CDH1: variants seen among roughly 807,000 people sequenced by gnomAD.
The protein encoded by CDH1 is cadherin 1.
Under a neutral mutation model 84.5 loss-of-function variants are expected in CDH1, and 35 were observed. The observed-to-expected ratio is 0.41, with a 90% CI of 0.32 to 0.55. The LOEUF (loss-of-function observed/expected upper bound fraction) is 0.55, where lower values mean the gene tolerates loss of function less well. CDH1 is among the 20% of genes least tolerant of loss of function. The probability of loss-of-function intolerance (pLI) is 0.19; values close to 1 mark genes in which losing one functional copy is unlikely to be tolerated. For missense variants in CDH1, 994 were observed against 1,126.6 expected (o/e 0.88, Z 1.68); for synonymous variants, 417 against 439.0 (o/e 0.95, Z 0.63).
chr16:68,760,922 GC>G (rs1959215116), intron 2 of CDH1, among the ~76,000 whole-genome samples: 1 of 152,162 alleles, frequency 6.6e-6, no homozygotes, highest in Admixed American at 6.5e-5. Context: ...AGAGGGGGAT[GC>G]CCCAAGCCTA....
intron 13 of CDH1, among the ~76,000 whole-genome samples, chr16:68,823,968 C>T (rs1000299931): frequency 6.8e-6 from 1 of 147,804 alleles, no homozygotes; most frequent in Non-Finnish European, 1.5e-5. Flanking sequence ...GGAGGTCTGG[C>T]ATAGGGCCAC....
At chr16:68,770,389 G>A (rs1035981209) in intron 2 of CDH1, among the ~76,000 whole-genome samples, 4 of 152,082 alleles carry the variant, frequency 2.6e-5, no homozygotes, top group African/African-American at 9.7e-5. Flanking sequence ...AGCTCAGTCC[G>A]CAGCACATAG....
chr16:68,811,541 G>A (rs1306651046), intron 6 of CDH1, 143 bp from the exon 7 acceptor site: 10 of 723,396 alleles, frequency 1.4e-5, no homozygotes, highest in Admixed American at 8.4e-5. Context: ...ACTTTGGTAA[G>A]AATTCTAGGA....
In CDH1 at chr16:68,819,062, A is replaced by T. The variant is rs34245865; in HGVS notation, c.1566-218A>T. On this transcript the variant is annotated intron_variant, in intron 10 of 15. Coordinates refer to ENST00000261769, the MANE Select transcript of CDH1 (RefSeq NM_004360.5). ...GTAGAGACAGGGTTTCACCATGTTGACCAGGCTGGTCTCAAACCCCTGACC... is the reference window on the plus strand; with the variant it reads ...GTAGAGACAGGGTTTCACCATGTTGTCCAGGCTGGTCTCAAACCCCTGACC... Among the ~76,000 whole-genome samples, 3,166 of 151,998 alleles carry T rather than the reference A, an allele frequency of 0.021. 109 individuals are homozygous for T. Among genetic ancestry groups the T allele is most frequent in the African/African-American group, 0.072 (3,002 of 41,460 alleles).
intron 10 of CDH1, among the ~76,000 whole-genome samples, chr16:68,816,580 T>G (rs988286516): frequency 3.3e-5 from 5 of 152,034 alleles, no homozygotes; most frequent in Non-Finnish European, 7.4e-5. Context: ...AACCCCTGCC[T>G]CCACTAAAAA....
intron 2 of CDH1, among the ~76,000 whole-genome samples, chr16:68,796,451 C>G (rs1016231812): frequency 6.6e-6 from 1 of 152,140 alleles, no homozygotes; most frequent in Admixed American, 6.5e-5. Context: ...CACTCACATT[C>G]CAGTTATGGG....
At chr16:68,810,406 T>G (rs1250672623) in intron 6 of CDH1, 65 bp downstream of exon 6, 5 of 1,497,242 alleles carry the variant, frequency 3.3e-6, no homozygotes, top group African/African-American at 2.8e-5. Context: ...CCCCAAAGTG[T>G]TGTCCAAGCC....
intron 2 of CDH1, among the ~76,000 whole-genome samples, chr16:68,767,667 A>G (rs956693366): frequency 2.6e-5 from 4 of 152,076 alleles, no homozygotes; most frequent in Non-Finnish European, 4.4e-5. Flanking sequence ...TTGTTTTTTT[A>G]TTTACTTTGT....
chr16:68,786,534 C>CTTTTTTTTTTTTTTTTTTTTTT (rs3074434), intron 2 of CDH1, among the ~76,000 whole-genome samples: 1,140 of 73,930 alleles, frequency 0.015, 31 homozygotes, highest in Non-Finnish European at 0.017. Context: ...TTTTTTTTTT[C>CTTTTTTTTTTTTTTTTTTTTTT]TTTTTTTTTT....
intron 2 of CDH1, among the ~76,000 whole-genome samples, chr16:68,753,979 C>T (rs956287206): frequency 1.3e-5 from 2 of 151,520 alleles, no homozygotes; most frequent in Admixed American, 6.6e-5. Flanking sequence ...ATTGGCCAGG[C>T]GTAGTGGCAG....
intron 2 of CDH1, among the ~76,000 whole-genome samples, chr16:68,739,572 T>C (rs1165580422): frequency 6.7e-6 from 1 of 150,112 alleles, no homozygotes; most frequent in East Asian, 2.0e-4. Context: ...GACCAAAACA[T>C]CTTGATACAG....
At chr16:68,769,072 AC>A (rs1255140289) in intron 2 of CDH1, among the ~76,000 whole-genome samples, 5 of 152,110 alleles carry the variant, frequency 3.3e-5, no homozygotes, top group Admixed American at 2.0e-4. Flanking sequence ...GGCACTGATT[AC>A]TATTCAATTT....
chr16:68,746,031 G>C (rs1202488177), intron 2 of CDH1, among the ~76,000 whole-genome samples: 2 of 152,128 alleles, frequency 1.3e-5, no homozygotes, highest in African/African-American at 4.8e-5. Flanking sequence ...TGGCCAGTCT[G>C]GTCTCAAGCT....
chr16:68,801,966 T>C (rs1960529860), intron 3 of CDH1, 73 bp downstream of exon 3: 8 of 1,251,332 alleles, frequency 6.4e-6, no homozygotes, highest in Non-Finnish European at 9.3e-6. Context: ...TCAGCCTTGG[T>C]ACCGTTGACA....
intron 2 of CDH1, among the ~76,000 whole-genome samples, chr16:68,769,421 G>A (rs12931189): frequency 0.86 from 130,473 of 151,714 alleles, 56,269 homozygotes; most frequent in Non-Finnish European, 0.89. Flanking sequence ...AAATTGTACC[G>A]TGGCCTATCA....
At chr16:68,811,631 C>T (rs1960831746) in intron 6 of CDH1, 53 bp from the exon 7 acceptor site, 1 of 1,524,842 alleles carries the variant, frequency 6.6e-7, no homozygotes, top group East Asian at 2.2e-5. Flanking sequence ...GCAGTATTGA[C>T]CCAGTCCCAA....
intron 3 of CDH1, among the ~76,000 whole-genome samples, chr16:68,803,566 T>A (rs973924474): frequency 6.6e-6 from 1 of 152,068 alleles, no homozygotes; most frequent in Non-Finnish European, 1.5e-5. Flanking sequence ...CCTGGCTGAT[T>A]TTTGGATTTT....
Position 68,740,206 on chromosome 16 carries a change from G to C in CDH1, c.163+1795G>C, listed in dbSNP as rs148115448. ...GAGAAATCACCCACAATTCCCCTGA[G>C]GGAACACCTCCACTGTGTCATTCTT... On this transcript the variant is annotated intron_variant, in intron 2 of 15. Transcript: ENST00000261769. Among the ~76,000 whole-genome samples the C allele has an allele frequency of 9.6e-3, 1,454 of 152,152 alleles. 28 individuals are homozygous for C. The highest frequency in any genetic ancestry group is 0.033 in the African/African-American group (1,370 of 41,500).
intron 2 of CDH1, among the ~76,000 whole-genome samples, chr16:68,766,802 A>C (rs906960363): frequency 1.3e-5 from 2 of 151,064 alleles, no homozygotes; most frequent in African/African-American, 4.9e-5. Context: ...ATCTCGGCTC[A>C]CTACAACTTC....
Sources: allele counts gnomAD v4.1 joint callset (sites outside exome capture counted in the v4.1 genomes callset), GRCh38; gene constraint gnomAD v4.1.1; transcripts MANE v1.5; gene names NCBI Gene and HGNC (gene_info 2026-07-23, HGNC 2026-07-21).